Variants in MRPL50 observed in about 807,000 individuals in gnomAD.
The protein encoded by MRPL50 is mitochondrial ribosomal protein L50.
In MRPL50, 10 loss-of-function variants were observed where a neutral mutation model predicts 16.2. That is an observed-to-expected ratio of 0.62 (90% CI 0.38 to 1.05). The LOEUF (loss-of-function observed/expected upper bound fraction) is 1.05, where lower values mean the gene tolerates loss of function less well. Ranked by LOEUF, MRPL50 falls within the 50% of genes least tolerant of loss-of-function variation. MRPL50 has a pLI of 0.01. For missense variants in MRPL50, 213 were observed against 187.1 expected, an observed-to-expected ratio of 1.14 and a Z score of -0.81; for synonymous variants, 68 against 66.8, an observed-to-expected ratio of 1.02 and a Z score of -0.09.
Position 101,387,826 on chromosome 9 carries a change from T to A in MRPL50, c.*2640A>T, listed in dbSNP as rs1456288166. On this transcript the variant is annotated 3_prime_UTR_variant, in exon 2 of 2. Coordinates refer to ENST00000374865, the MANE Select transcript of MRPL50 (RefSeq NM_019051.3). ...GTAGCAATCATTAAATTTTTAAAAATGTAAACCCTTTAAAATTACATCATA... is the reference window on the plus strand; with the variant it reads ...GTAGCAATCATTAAATTTTTAAAAAAGTAAACCCTTTAAAATTACATCATA... The A allele has an allele frequency of 6.6e-6, 1 of 152,106 alleles. No homozygotes were observed. The highest frequency in any genetic ancestry group is 1.5e-5 in the Non-Finnish European group (1 of 68,000). The allele number at this position is 152,106 out of a possible 1,614,324, so 9.4% of individuals were successfully genotyped here. A position where few individuals can be genotyped will look rare whatever the true frequency, so the allele number is the denominator to read the frequency against.
In MRPL50 at chr9:101,390,530, G is replaced by C; in HGVS notation, c.413C>G (p.Ser138Cys). 1 of 1,613,180 alleles carries C rather than the reference G, an allele frequency of 6.2e-7. No homozygotes were observed. Among genetic ancestry groups the C allele is most frequent in the South Asian group, 1.1e-5 (1 of 90,980 alleles). The part of the protein sequence containing the change: ...DFYNVPIQDR[S>C]KFDELSASNL... ...ACTGGCACTGAGTTCATCAAATTTA[G>C]ATCTATCTTGAATAGGGACATTATA... is the stretch of plus-strand genomic sequence containing the variant. The change falls in exon 2 of 2, where the codon TCT (serine) becomes TGT (cysteine). Residue 138 changes from serine (S) to cysteine (C), a missense_variant. Physicochemically the swap from Ser to Cys is moderately radical, Grantham distance 112. Transcript: ENST00000374865.
chr9:101,395,500 T>C (rs905091922), intron 1 of MRPL50, among the ~76,000 whole-genome samples: 1 of 152,148 alleles, frequency 6.6e-6, no homozygotes, highest in Non-Finnish European at 1.5e-5. Flanking sequence ...ATAGCCAAGA[T>C]ATGGAATCAA....
At chr9:101,391,334 G>A (rs1300258585) in intron 1 of MRPL50, among the ~76,000 whole-genome samples, 1 of 152,006 alleles carries the variant, frequency 6.6e-6, no homozygotes, top group Non-Finnish European at 1.5e-5. Context: ...GGATAAAATT[G>A]TTCTCTTCCA....
At chr9:101,396,855 T>C (rs1261044147) in intron 1 of MRPL50, among the ~76,000 whole-genome samples, 1 of 151,932 alleles carries the variant, frequency 6.6e-6, no homozygotes, top group East Asian at 1.9e-4. Context: ...GGCAGGAGAA[T>C]CGCTTGAACC....
rs1830248168 is a variant in MRPL50 at position 101,389,980 on chromosome 9, CTACTT to C, written c.*481_*485del. The C allele has an allele frequency of 6.5e-6, 6 of 916,922 alleles. No individual in the cohort carries two copies. The South Asian group carries it at 2.5e-4, about 38-fold the overall frequency. 56.8% of individuals were successfully genotyped at this position (916,922 alleles called of 1,614,324 possible). A position where few individuals can be genotyped will look rare whatever the true frequency, so the allele number is the denominator to read the frequency against. On this transcript the variant is annotated 3_prime_UTR_variant, in exon 2 of 2. Coordinates refer to ENST00000374865, the MANE Select transcript of MRPL50 (RefSeq NM_019051.3). ...CAACACACAATACACTTTAACAAAT[CTACTT>C]TAATTCTAAAAGAAATTAATCTAGA...
Position 101,389,474 on chromosome 9 carries a change from T to A in MRPL50, c.*992A>T. The A allele has an allele frequency of 7.8e-7, 1 of 1,287,544 alleles. No homozygotes were observed. The allele number at this position is 1,287,544 out of a possible 1,614,324, so 79.8% of individuals were successfully genotyped here. A position where few individuals can be genotyped will look rare whatever the true frequency, so the allele number is the denominator to read the frequency against. ...TATTCCCAACTGAATTTTGCCCTCTTCAAAGGAGTAACCCTGGGAAAGAGA... is the reference window on the plus strand; with the variant it reads ...TATTCCCAACTGAATTTTGCCCTCTACAAAGGAGTAACCCTGGGAAAGAGA... On this transcript the variant is annotated 3_prime_UTR_variant, in exon 2 of 2. Transcript: ENST00000374865.
chr9:101,388,119 T>C lies in MRPL50; in HGVS notation c.*2347A>G, dbSNP rs1003506731. On this transcript the variant is annotated 3_prime_UTR_variant, in exon 2 of 2. Transcript: ENST00000374865. ...CATGTTCTCAAAACATAATCAGCTTTTGAAGCATGCAGAAGCTCAGGACCT... is the reference window on the plus strand; with the variant it reads ...CATGTTCTCAAAACATAATCAGCTTCTGAAGCATGCAGAAGCTCAGGACCT... 7 of 152,052 alleles carry C rather than the reference T, an allele frequency of 4.6e-5. No homozygotes were observed. The highest frequency in any genetic ancestry group is 1.0e-4 in the Non-Finnish European group (7 of 67,984). The allele number at this position is 152,052 out of a possible 1,614,324, so 9.4% of individuals were successfully genotyped here.
In MRPL50 at chr9:101,389,686, T is replaced by C. The variant is rs775031552; in HGVS notation, c.*780A>G. ...ATCTGATAACCTGCTATTTAAGTAA[T>C]TTCCACAAATTGAGTGCATTAAAGC... On this transcript the variant is annotated 3_prime_UTR_variant, in exon 2 of 2. Transcript: ENST00000374865. 4.4e-5 allele frequency: 13 copies of C among 298,254 alleles called. No homozygotes were observed. Among genetic ancestry groups the C allele is most frequent in the Non-Finnish European group, 8.1e-5 (13 of 159,688 alleles). The allele number at this position is 298,254 out of a possible 1,614,324, so 18.5% of individuals were successfully genotyped here.
chr9:101,393,558 CAA>C (rs909123500), intron 1 of MRPL50, among the ~76,000 whole-genome samples: 1 of 151,264 alleles, frequency 6.6e-6, no homozygotes, highest in East Asian at 1.9e-4. Context: ...AAATATCCAC[CAA>C]AAAAACTCTT....
At position 101,389,330 on chromosome 9, in the gene MRPL50, A is replaced by C. The variant is rs1830240687; in HGVS notation, c.*1136T>G. The C allele has an allele frequency of 3.7e-6, 2 of 543,094 alleles. No individual in the cohort carries two copies. Among genetic ancestry groups the C allele is most frequent in the Admixed American group, 3.8e-5 (1 of 26,510 alleles). 33.6% of individuals were successfully genotyped at this position (543,094 alleles called of 1,614,324 possible). ...CCCAAGGAATCAACTCTAATGTCTA[A>C]GCTCCAGAGCTCCAGGCACTCTGAC... On this transcript the variant is annotated 3_prime_UTR_variant, in exon 2 of 2. Coordinates refer to ENST00000374865, the MANE Select transcript of MRPL50 (RefSeq NM_019051.3).
chr9:101,390,637 AG>A lies in MRPL50; in HGVS notation c.305del (p.Ala102ValfsTer3). 1.9e-6 allele frequency: 3 copies of A among 1,613,356 alleles called. No homozygotes were observed. Among genetic ancestry groups the A allele is most frequent in the Non-Finnish European group, 2.5e-6 (3 of 1,179,458 alleles). ...EDSRLKFNLL[A>X]HLADDLGHVV... ...CATGACCCAAGTCATCAGCTAAATG[AG>A]CCAGAAGATTGAACTTTAGACGACT... On this transcript the variant is annotated frameshift_variant, in exon 2 of 2. Coordinates refer to ENST00000374865, the MANE Select transcript of MRPL50 (RefSeq NM_019051.3). LOFTEE classifies it high-confidence loss of function.
chr9:101,393,862 C>T (rs1483730820), intron 1 of MRPL50, among the ~76,000 whole-genome samples: 1 of 151,658 alleles, frequency 6.6e-6, no homozygotes, highest in Non-Finnish European at 1.5e-5. Context: ...CTTATGCTAC[C>T]CAAAGCGATA....
chr9:101,394,694 A>C (rs2118139923), intron 1 of MRPL50, among the ~76,000 whole-genome samples: 1 of 152,320 alleles, frequency 6.6e-6, no homozygotes, highest in South Asian at 2.1e-4. Context: ...TTATAACCCT[A>C]CTAGAAGAAA....
In MRPL50 at chr9:101,388,350, A is replaced by G. The variant is rs1830227307; in HGVS notation, c.*2116T>C. On this transcript the variant is annotated 3_prime_UTR_variant, in exon 2 of 2. Coordinates refer to ENST00000374865, the MANE Select transcript of MRPL50 (RefSeq NM_019051.3). ...ACTCCAGTTGTAACTGTTTTTCCAC[A>G]TAGACCTTCTCATCCCTTATTTCCA... The G allele has an allele frequency of 6.6e-6, 1 of 152,062 alleles. No homozygotes were observed. 9.4% of individuals were successfully genotyped at this position (152,062 alleles called of 1,614,324 possible).
intron 1 of MRPL50, among the ~76,000 whole-genome samples, chr9:101,394,508 A>T (rs1377130831): frequency 2.0e-5 from 3 of 152,128 alleles, no homozygotes; most frequent in Admixed American, 1.3e-4. Context: ...CTACCTGCCA[A>T]ATTATCTTTA....
At chr9:101,390,974 G>A (rs1830263618) in intron 1 of MRPL50, 124 bp from the exon 2 acceptor site, 2 of 1,090,398 alleles carry the variant, frequency 1.8e-6, no homozygotes, top group Non-Finnish European at 2.6e-6. Flanking sequence ...ACTGAGAGTA[G>A]GAAAGAATAT....
intron 1 of MRPL50, among the ~76,000 whole-genome samples, chr9:101,393,485 C>G (rs142852030): frequency 3.1e-4 from 47 of 151,976 alleles, no homozygotes; most frequent in East Asian, 1.4e-3. Context: ...TCTTATGTAT[C>G]ATACGTAAGA....
intron 1 of MRPL50, among the ~76,000 whole-genome samples, chr9:101,393,136 AT>A (rs1428648554): frequency 6.6e-6 from 1 of 152,138 alleles, no homozygotes; most frequent in African/African-American, 2.4e-5. Context: ...CTGAAAAAGC[AT>A]TTCATACATT....
intron 1 of MRPL50, among the ~76,000 whole-genome samples, chr9:101,391,205 T>C (rs750604677): frequency 1.8e-4 from 28 of 152,106 alleles, no homozygotes; most frequent in African/African-American, 5.8e-4. Flanking sequence ...TGATACTCTA[T>C]ATCCTGTGTC....
Sources: gnomAD v4.1 joint callset for allele counts (sites outside exome capture counted in the v4.1 genomes callset) on GRCh38, gnomAD v4.1.1 for gene constraint, MANE v1.5 for transcripts, NCBI Gene and HGNC (gene_info 2026-07-23, HGNC 2026-07-21) for gene names.